The following NTM variants were observed in gnomAD, a reference collection of about 807,000 sequenced individuals.
NTM encodes neurotrimin.
Under a neutral mutation model 42.1 loss-of-function variants are expected in NTM, and 13 were observed. That is an observed-to-expected ratio of 0.31 (90% CI 0.20 to 0.49). The LOEUF (loss-of-function observed/expected upper bound fraction) is 0.49. Among genes scored for constraint, NTM ranks in the 20% least tolerant of loss-of-function variants. NTM has a pLI of 0.99. For synonymous variants in NTM, 187 were observed against 179.2 expected, an observed-to-expected ratio of 1.04 and a Z score of -0.35; for missense variants, 373 against 452.8, an observed-to-expected ratio of 0.82 and a Z score of 1.60.
rs1951186109 is a variant in NTM at position 131,459,493 on chromosome 11, G to A, written c.82+88605G>A. ...CTTACACATTGCCAGCTTTTAGAAA[G>A]AAAGACTATAGAAAAAAAAGAATTA... is the stretch of plus-strand genomic sequence containing the variant. On this transcript the variant is annotated intron_variant, in intron 1 of 8. Transcript: ENST00000683400. 1.3e-5 allele frequency among the ~76,000 whole-genome samples: 2 copies of A among 151,020 alleles called. 1 individual carries two copies. The highest frequency in any genetic ancestry group is 1.3e-4 in the Admixed American group (2 of 15,222).
At chr11:131,576,317 T>A (rs2057930559) in intron 1 of NTM, among the ~76,000 whole-genome samples, 1 of 152,206 alleles carries the variant, frequency 6.6e-6, no homozygotes, top group Non-Finnish European at 1.5e-5. Context: ...GGGCTCTTCT[T>A]TCAAAAGAAC....
chr11:132,109,476 C>G (rs1394977959), intron 2 of NTM, among the ~76,000 whole-genome samples: 2 of 151,940 alleles, frequency 1.3e-5, no homozygotes, highest in African/African-American at 4.8e-5. Context: ...GCCTCCAGGA[C>G]AATGATAAAT....
intron 2 of NTM, among the ~76,000 whole-genome samples, chr11:132,062,439 A>G (rs946696636): frequency 7.2e-5 from 11 of 152,116 alleles, no homozygotes; most frequent in Non-Finnish European, 1.0e-4. Flanking sequence ...TTGAGATTTT[A>G]TAAAAGGAAC....
chr11:132,186,227 A>C (rs569744835), intron 3 of NTM, among the ~76,000 whole-genome samples: 2 of 152,298 alleles, frequency 1.3e-5, no homozygotes, highest in Non-Finnish European at 2.9e-5. Context: ...CAGGAGCCTA[A>C]GTATTACTCG....
At chr11:131,688,957 G>A (rs911603363) in intron 1 of NTM, among the ~76,000 whole-genome samples, 3 of 152,156 alleles carry the variant, frequency 2.0e-5, no homozygotes, top group Admixed American at 6.5e-5. Flanking sequence ...GCCCTGGTGC[G>A]TTCTGCAGGA....
chr11:131,405,547 C>T (rs918975918), intron 1 of NTM, among the ~76,000 whole-genome samples: 9 of 152,150 alleles, frequency 5.9e-5, no homozygotes, highest in Middle Eastern at 3.2e-3. Context: ...TATTTATTCA[C>T]GTTTGCGCCA....
chr11:131,521,852 A>AC (rs2049778849), intron 1 of NTM, among the ~76,000 whole-genome samples: 1 of 151,606 alleles, frequency 6.6e-6, no homozygotes, highest in Non-Finnish European at 1.5e-5. Flanking sequence ...TGTAATTAAG[A>AC]CCCCCTGTTT....
chr11:131,851,610 G>A (rs1203598880), intron 1 of NTM, among the ~76,000 whole-genome samples: 3 of 151,392 alleles, frequency 2.0e-5, no homozygotes, highest in Non-Finnish European at 2.9e-5. Flanking sequence ...TGCCTTGTCT[G>A]CAAAGCTTCT....
chr11:132,213,980 C>T lies in NTM; in HGVS notation c.526+1833C>T, dbSNP rs936791544. Among the ~76,000 whole-genome samples the T allele has an allele frequency of 1.3e-3, 78 of 61,644 alleles. 23 individuals carry two copies. Among genetic ancestry groups the T allele is most frequent in the Non-Finnish European group, 2.7e-3 (62 of 22,670 alleles). 40.4% of individuals were successfully genotyped at this position (61,644 alleles called of 152,430 possible). ...CGATCTCCTGACCTCGTGATCCGCCCGCCTCGGCCTCCCAAAGTGCTGGGA... is the reference window on the plus strand; with the variant it reads ...CGATCTCCTGACCTCGTGATCCGCCTGCCTCGGCCTCCCAAAGTGCTGGGA... On this transcript the variant is annotated intron_variant, in intron 4 of 8. Transcript: ENST00000683400.
At chr11:131,715,280 G>A (rs2077574093) in intron 1 of NTM, among the ~76,000 whole-genome samples, 2 of 152,180 alleles carry the variant, frequency 1.3e-5, no homozygotes, top group African/African-American at 2.4e-5. Context: ...GATTGAACCA[G>A]ATAAATCATA....
Position 131,530,267 on chromosome 11 carries a change from G to A in NTM, c.82+159379G>A, listed in dbSNP as rs1330088227. 2.0e-5 allele frequency among the ~76,000 whole-genome samples: 3 copies of A among 152,072 alleles called. No individual in the cohort carries two copies. In the South Asian group the frequency reaches 6.2e-4, roughly 32 times the overall value. On this transcript the variant is annotated intron_variant, in intron 1 of 8. Coordinates refer to ENST00000683400, the MANE Select transcript of NTM (RefSeq NM_001352005.2). ...CATGAATGAAAGAAATTCTAGGAAG[G>A]TTTGAGATATACCTAGACTAGTGTG...
chr11:132,220,904 C>G (rs1403315121), intron 4 of NTM, among the ~76,000 whole-genome samples: 3 of 152,208 alleles, frequency 2.0e-5, no homozygotes, highest in Non-Finnish European at 4.4e-5. Flanking sequence ...GACCCCATCT[C>G]TCAACCAGCA....
chr11:131,603,016 CT>C (rs2060622499), intron 1 of NTM, among the ~76,000 whole-genome samples: 1 of 152,186 alleles, frequency 6.6e-6, no homozygotes, highest in Non-Finnish European at 1.5e-5. Context: ...ACTAACCAGT[CT>C]TTCAACTTCT....
chr11:132,307,032 C>T (rs2095111765), intron 4 of NTM, among the ~76,000 whole-genome samples: 1 of 152,194 alleles, frequency 6.6e-6, no homozygotes, highest in African/African-American at 2.4e-5. Flanking sequence ...GAATCTCTGA[C>T]ATGCTTACAA....
chr11:132,259,737 TTTTG>T (rs544919719), intron 4 of NTM, among the ~76,000 whole-genome samples: 3,001 of 151,572 alleles, frequency 0.02, 74 homozygotes, highest in African/African-American at 0.058. Context: ...AGTTTTTTGT[TTTTG>T]TTTGTTTGTT....
At chr11:131,446,575 C>T (rs941698125) in intron 1 of NTM, among the ~76,000 whole-genome samples, 6 of 152,176 alleles carry the variant, frequency 3.9e-5, no homozygotes, top group Admixed American at 2.0e-4. Context: ...GGCGCACATT[C>T]GCCTTCCTCT....
intron 2 of NTM, among the ~76,000 whole-genome samples, chr11:131,916,535 T>A (rs1323118777): frequency 6.6e-6 from 1 of 152,146 alleles, no homozygotes; most frequent in Non-Finnish European, 1.5e-5. Context: ...GATATGGGAC[T>A]CCATGGAATC....
chr11:131,985,202 G>A lies in NTM; in HGVS notation c.167+73554G>A, dbSNP rs76409111. Among the ~76,000 whole-genome samples the A allele has an allele frequency of 1.9e-3, 288 of 152,258 alleles. 2 individuals are homozygous for A. Among genetic ancestry groups the A allele is most frequent in the African/African-American group, 6.5e-3 (270 of 41,558 alleles). On this transcript the variant is annotated intron_variant, in intron 2 of 8. Transcript: ENST00000683400. The stretch of plus-strand genomic sequence containing the variant: ...CTTTCTATCCATTTCTTCTAGAGCC[G>A]CAGGTTCAGTAGGCACTTGGTTTGT...
intron 2 of NTM, among the ~76,000 whole-genome samples, chr11:132,113,086 C>T (rs778492455): frequency 5.9e-5 from 9 of 152,120 alleles, no homozygotes; most frequent in Non-Finnish European, 7.4e-5. Flanking sequence ...TAGCTGGGCC[C>T]GTCCCTCAAA....
Sources: gnomAD v4.1 joint callset for allele counts (sites outside exome capture counted in the v4.1 genomes callset) on GRCh38, gnomAD v4.1.1 for gene constraint, MANE v1.5 for transcripts, NCBI Gene and HGNC (gene_info 2026-07-23, HGNC 2026-07-21) for gene names.